Variants in NRXN3 observed in about 807,000 individuals in gnomAD.
NRXN3 encodes the protein neurexin 3, also known as neurexin III.
Under a neutral mutation model 137.6 loss-of-function variants are expected in NRXN3, and 32 were observed. That is an observed-to-expected ratio of 0.23 (90% confidence interval 0.18 to 0.31). The LOEUF (loss-of-function observed/expected upper bound fraction) is 0.31. Ranked by LOEUF, NRXN3 falls within the 10% of genes least tolerant of loss-of-function variation. NRXN3 has a pLI of 1.00. For synonymous variants in NRXN3, 798 were observed against 784.5 expected (o/e 1.02, Z -0.29); for missense variants, 1,574 against 2,062.5 (o/e 0.76, Z 4.59).
chr14:78,571,188 G>A lies in NRXN3; in HGVS notation c.758-73932G>A, dbSNP rs2096886094. 2.0e-5 allele frequency among the ~76,000 whole-genome samples: 3 copies of A among 152,158 alleles called. No homozygotes were observed. In the South Asian group the frequency reaches 6.2e-4, roughly 32 times the overall value. ...TGCTGAACTAATAATGGTTTTTAGA[G>A]CAGGGAAGTGGCACAATCACAACTT... is the stretch of plus-strand genomic sequence containing the variant. On this transcript the variant is annotated intron_variant, in intron 4 of 20. Coordinates refer to ENST00000335750, the MANE Select transcript of NRXN3 (RefSeq NM_001330195.2).
chr14:78,202,899 C>G (rs1034256761), intron 1 of NRXN3, among the ~76,000 whole-genome samples: 2 of 152,190 alleles, frequency 1.3e-5, no homozygotes, highest in Non-Finnish European at 2.9e-5. Flanking sequence ...TATGAGGACA[C>G]AGAGGGGCAG....
intron 3 of NRXN3, among the ~76,000 whole-genome samples, chr14:78,288,698 G>A (rs2075454282): frequency 6.6e-6 from 1 of 152,166 alleles, no homozygotes; most frequent in South Asian, 2.1e-4. Context: ...AGTCATTACT[G>A]CTGCTCCTTT....
intron 6 of NRXN3, among the ~76,000 whole-genome samples, chr14:78,705,702 A>G (rs1488861184): frequency 6.6e-6 from 1 of 152,200 alleles, no homozygotes; most frequent in South Asian, 2.1e-4. Context: ...TGGAACAGAT[A>G]TCGAGGCTCT....
chr14:79,518,407 A>G (rs961172207), intron 16 of NRXN3, among the ~76,000 whole-genome samples: 3 of 152,174 alleles, frequency 2.0e-5, no homozygotes, highest in East Asian at 1.9e-4. Context: ...TTTATTTTAT[A>G]TAATTTCATA....
intron 4 of NRXN3, among the ~76,000 whole-genome samples, chr14:78,417,256 C>G (rs2153671164): frequency 6.6e-6 from 1 of 152,306 alleles, no homozygotes; most frequent in East Asian, 1.9e-4. Context: ...TTTGAACTTT[C>G]CATGCTACCT....
intron 15 of NRXN3, among the ~76,000 whole-genome samples, chr14:79,015,585 T>G (rs2964899): frequency 0.011 from 1,602 of 152,214 alleles, 26 homozygotes; most frequent in African/African-American, 0.037. Flanking sequence ...CAACCCAAAG[T>G]AAAGAGAGCA....
chr14:79,114,487 C>G (rs2653536), intron 15 of NRXN3, among the ~76,000 whole-genome samples: 4,333 of 152,122 alleles, frequency 0.028, 203 homozygotes, highest in African/African-American at 0.099. Flanking sequence ...TGTTTATGTA[C>G]TCAGCATATT....
intron 4 of NRXN3, among the ~76,000 whole-genome samples, chr14:78,484,027 C>CACACAGAGAG (rs1229106899): frequency 2.2e-5 from 3 of 137,176 alleles, no homozygotes; most frequent in African/African-American, 8.7e-5. Flanking sequence ...CACACACACA[C>CACACAGAGAG]AGAGAGAGAG....
intron 16 of NRXN3, among the ~76,000 whole-genome samples, chr14:79,508,657 G>T (rs1399155389): frequency 2.0e-5 from 3 of 151,640 alleles, no homozygotes; most frequent in Admixed American, 6.6e-5. Flanking sequence ...CTTCCAAAGT[G>T]CTGGGATTAC....
chr14:79,095,006 G>GTGTGTA, intron 15 of NRXN3, among the ~76,000 whole-genome samples: 1 of 151,860 alleles, frequency 6.6e-6, no homozygotes, highest in South Asian at 2.1e-4. Flanking sequence ...GTGTGTGTGT[G>GTGTGTA]TGTGAAATGG....
intron 4 of NRXN3, among the ~76,000 whole-genome samples, chr14:78,432,570 C>A (rs1054995527): frequency 6.6e-6 from 1 of 152,150 alleles, no homozygotes; most frequent in Admixed American, 6.6e-5. Flanking sequence ...GTGAGAAGCC[C>A]AGAGAGTTTT....
intron 2 of NRXN3, among the ~76,000 whole-genome samples, chr14:78,266,467 T>G (rs182180442): frequency 2.0e-5 from 3 of 152,106 alleles, no homozygotes; most frequent in Admixed American, 6.5e-5. Context: ...CCCAGCTAAT[T>G]TTTGTATTTT....
chr14:79,227,113 T>C (rs1174921998), intron 15 of NRXN3, among the ~76,000 whole-genome samples: 1 of 151,850 alleles, frequency 6.6e-6, no homozygotes, highest in Non-Finnish European at 1.5e-5. Flanking sequence ...CCACCGCGCC[T>C]GGCCTACATC....
intron 16 of NRXN3, among the ~76,000 whole-genome samples, chr14:79,635,625 T>C (rs1465800095): frequency 2.0e-5 from 3 of 152,218 alleles, no homozygotes; most frequent in African/African-American, 4.8e-5. Flanking sequence ...CCACCTTTGG[T>C]GTTCCTTGGC....
At chr14:78,564,410 T>C (rs2096818251) in intron 4 of NRXN3, among the ~76,000 whole-genome samples, 2 of 152,324 alleles carry the variant, frequency 1.3e-5, no homozygotes, top group Middle Eastern at 3.4e-3. Flanking sequence ...GACTGGGCTC[T>C]GACTGGGCTC....
intron 15 of NRXN3, among the ~76,000 whole-genome samples, chr14:79,256,375 T>C (rs1264833740): frequency 6.6e-6 from 1 of 152,240 alleles, no homozygotes; most frequent in East Asian, 1.9e-4. Flanking sequence ...TTAGTCAGTG[T>C]TGGGTACCAC....
chr14:79,249,876 A>G (rs1440154554), intron 15 of NRXN3, among the ~76,000 whole-genome samples: 1 of 152,202 alleles, frequency 6.6e-6, no homozygotes, highest in Non-Finnish European at 1.5e-5. Context: ...GACTATAAAA[A>G]TGTTTCGTTG....
intron 15 of NRXN3, among the ~76,000 whole-genome samples, chr14:79,057,254 T>G (rs1250305594): frequency 6.6e-6 from 1 of 152,222 alleles, no homozygotes; most frequent in Non-Finnish European, 1.5e-5. Flanking sequence ...AGAAAGATGA[T>G]GTTAATCTAG....
chr14:79,837,179 G>A (rs1196318314), intron 20 of NRXN3, among the ~76,000 whole-genome samples: 1 of 152,058 alleles, frequency 6.6e-6, no homozygotes, highest in Non-Finnish European at 1.5e-5. Flanking sequence ...TTAATGTAAT[G>A]ATATAGTGTT....
Sources: allele counts gnomAD v4.1 joint callset (sites outside exome capture counted in the v4.1 genomes callset), GRCh38; gene constraint gnomAD v4.1.1; transcripts MANE v1.5; gene names NCBI Gene and HGNC (gene_info 2026-07-23, HGNC 2026-07-21).